Variants in TAB3 observed in about 807,000 individuals in gnomAD.
TAB3 encodes the protein TGF-beta activated kinase 1 (MAP3K7) binding protein 3.
A neutral mutation model predicts 48.1 loss-of-function variants in TAB3; 18 were observed. The ratio of observed to expected loss-of-function variants is 0.37; its 90% CI spans 0.26 to 0.55. The LOEUF is 0.55. Among genes scored for constraint, TAB3 ranks in the 20% least tolerant of loss-of-function variants. TAB3 has a pLI of 0.78. For missense variants in TAB3, 414 were observed against 549.8 expected (o/e 0.75, Z 2.47); for synonymous variants, 185 against 190.2 (o/e 0.97, Z 0.22).
chrX:30,831,474 G>A lies in TAB3; in HGVS notation c.2092C>T (p.Pro698Ser). ...CACTGCTCACAGCGATTTAGTGCTG[G>A]GTGGTTAAGAAAGGTGCAGCTATCA... ...NCDSCTFLNH[P>S]ALNRCEQCEM... is the part of the protein sequence containing the mutation. Residue 698 changes from proline (P) to serine (S), a missense_variant, in exon 11 of 11, where the codon CCA becomes TCA. Coordinates refer to ENST00000288422, the MANE Select transcript of TAB3 (RefSeq NM_152787.5). 8.3e-7 allele frequency: 1 copy of A among 1,210,957 alleles called. No individual in the cohort carries two copies. The highest frequency in any genetic ancestry group is 1.1e-6 in the Non-Finnish European group (1 of 895,192).
At chrX:30,861,607 G>A (rs2147372981) in intron 4 of TAB3, among the ~76,000 whole-genome samples, 1 of 111,739 alleles carries the variant, frequency 8.9e-6, no homozygotes, top group Non-Finnish European at 1.9e-5. Flanking sequence ...TTTTCTGAAT[G>A]GGGTTTGAAT....
chrX:30,870,246 T>A (rs1186529315), intron 2 of TAB3, among the ~76,000 whole-genome samples: 1 of 112,510 alleles, frequency 8.9e-6, no homozygotes, highest in East Asian at 2.8e-4. Flanking sequence ...GGCTCCTGCC[T>A]TCTAATATAT....
At chrX:30,860,598 A>G (rs2147371289) in intron 4 of TAB3, among the ~76,000 whole-genome samples, 1 of 111,554 alleles carries the variant, frequency 9.0e-6, no homozygotes, top group Non-Finnish European at 1.9e-5. Context: ...AACATTTCTC[A>G]TTTTGGGCTT....
chrX:30,879,739 A>G (rs1394953877), intron 1 of TAB3, among the ~76,000 whole-genome samples: 2 of 111,765 alleles, frequency 1.8e-5, no homozygotes, highest in Admixed American at 1.9e-4. Flanking sequence ...TCGAAATACT[A>G]GCCAGTACAG....
intron 9 of TAB3, among the ~76,000 whole-genome samples, chrX:30,837,935 TG>T (rs1167973612): frequency 8.9e-6 from 1 of 112,377 alleles, no homozygotes; most frequent in East Asian, 2.8e-4. Flanking sequence ...AATGTTCCTT[TG>T]TCTATTGGTT....
intron 1 of TAB3, among the ~76,000 whole-genome samples, chrX:30,880,646 A>G (rs1332406454): frequency 9.0e-6 from 1 of 111,615 alleles, no homozygotes; most frequent in African/African-American, 3.3e-5. Flanking sequence ...GCAAGGGCTC[A>G]TTTCCAGCAT....
intron 2 of TAB3, 51 bp from the exon 3 acceptor site, chrX:30,867,600 T>A (rs1423464717): frequency 9.0e-6 from 1 of 111,523 alleles, no homozygotes; most frequent in Non-Finnish European, 1.9e-5. Context: ...CAACTCAATA[T>A]GGAAAATAAC....
chrX:30,833,336 C>T (rs960595016), intron 10 of TAB3, among the ~76,000 whole-genome samples: 3 of 110,168 alleles, frequency 2.7e-5, no homozygotes, highest in Admixed American at 9.8e-5. Context: ...TGCCCAAAAA[C>T]GTAACACTTA....
intron 1 of TAB3, 132 bp downstream of exon 1, chrX:30,888,982 C>A: frequency 8.8e-6 from 1 of 113,261 alleles, no homozygotes; most frequent in Middle Eastern, 4.7e-3. Context: ...AGTCCCGGGC[C>A]GGGGTGAGTC....
At chrX:30,863,419 C>T (rs74406581) in intron 4 of TAB3, among the ~76,000 whole-genome samples, 7,951 of 111,503 alleles carry the variant, frequency 0.071, 362 homozygotes, top group East Asian at 0.33. Flanking sequence ...GATGTTTGTC[C>T]CCTCCAAATC....
rs188936732 is a variant in TAB3 at position 30,874,503 on chromosome X, A to T, written c.-382-2702T>A. 1.2e-4 allele frequency among the ~76,000 whole-genome samples: 14 copies of T among 112,313 alleles called. No homozygotes were observed. The Admixed American group carries it at 1.3e-3, about 11-fold the overall frequency. ...TTGGACCTTTCATTTGTGTACATTT[A>T]GAAATGTTCAAATAAAACGTTCAAA... On this transcript the variant is annotated intron_variant, in intron 1 of 10. Coordinates refer to ENST00000288422, the MANE Select transcript of TAB3 (RefSeq NM_152787.5).
At chrX:30,835,055 C>T (rs563860913) in intron 9 of TAB3, 1 of 123,552 alleles carries the variant, frequency 8.1e-6, no homozygotes, top group East Asian at 2.8e-4. Context: ...AGAAGCCCAG[C>T]AGACACTTTG....
chrX:30,839,600 T>C (rs1049030048), intron 9 of TAB3, among the ~76,000 whole-genome samples: 15 of 110,876 alleles, frequency 1.4e-4, no homozygotes, highest in African/African-American at 4.3e-4. Context: ...TGAGTGATTA[T>C]GAGGTCTCAA....
chrX:30,861,707 G>A (rs992587841), intron 4 of TAB3, among the ~76,000 whole-genome samples: 1 of 111,650 alleles, frequency 9.0e-6, no homozygotes, highest in Admixed American at 9.5e-5. Flanking sequence ...CCAAGTCACT[G>A]AAGCTCTAAG....
chrX:30,838,676 T>A (rs2147331126), intron 9 of TAB3, among the ~76,000 whole-genome samples: 1 of 112,538 alleles, frequency 8.9e-6, no homozygotes, highest in Non-Finnish European at 1.9e-5. Context: ...TCACTCCATT[T>A]ACTTAGGTCT....
In TAB3 at chrX:30,855,046, G is replaced by A; in HGVS notation, c.619C>T (p.Gln207Ter). The A allele has an allele frequency of 2.5e-6, 3 of 1,211,302 alleles. No individual in the cohort carries two copies. Among genetic ancestry groups the A allele is most frequent in the Non-Finnish European group, 3.4e-6 (3 of 895,060 alleles). ...VTVSQNLPSG[Q>*]TVPRALQILP... ...ATTTGTAAAGCTCTTGGTACAGTCT[G>A]TCCAGAAGGGAGGTTCTGGGATACT... Residue 207 changes from glutamine (Q) to a stop codon, truncating the protein, a stop_gained, in exon 6 of 11, where the codon CAG becomes TAG. Coordinates refer to ENST00000288422, the MANE Select transcript of TAB3 (RefSeq NM_152787.5). LOFTEE classifies it high-confidence loss of function.
intron 4 of TAB3, among the ~76,000 whole-genome samples, chrX:30,866,103 TGTAA>T (rs753639789): frequency 6.4e-4 from 72 of 111,751 alleles, no homozygotes; most frequent in African/African-American, 2.2e-3. Context: ...TCTCATATTC[TGTAA>T]GTCTCAAGAG....
intron 7 of TAB3, 101 bp downstream of exon 7, chrX:30,852,677 A>C (rs1206658768): frequency 9.7e-6 from 9 of 930,949 alleles, no homozygotes; most frequent in Non-Finnish European, 1.3e-5. Flanking sequence ...AACAACAACA[A>C]AAAACCGGAA....
chrX:30,854,936 T>C lies in TAB3; in HGVS notation c.729A>G (p.Gln243=), dbSNP rs1291198552. The change falls in exon 6 of 11, where the codon CAA becomes CAG. Residue 243 remains glutamine (Q), a synonymous_variant. Transcript: ENST00000288422. ...ACTGCCACGGCGTACTCTGAGGAGT[T>C]TGTCTTCCTGATGAACTCTGAGATG... is the stretch of plus-strand genomic sequence containing the variant. ...RQTSQSSSGR[Q]TPQSTPWQSS... 1.7e-6 allele frequency: 2 copies of C among 1,208,971 alleles called. No homozygotes were observed. The highest frequency in any genetic ancestry group is 1.8e-5 in the South Asian group (1 of 56,546).
Sources: allele counts gnomAD v4.1 joint callset (sites outside exome capture counted in the v4.1 genomes callset), GRCh38; gene constraint gnomAD v4.1.1; transcripts MANE v1.5; gene names NCBI Gene and HGNC (gene_info 2026-07-23, HGNC 2026-07-21).